Variants in ABI3BP observed in about 807,000 individuals in gnomAD.
The protein encoded by ABI3BP is ABI family member 3 binding protein.
In ABI3BP, 216 loss-of-function variants were observed where a neutral mutation model predicts 268.6. The ratio of observed to expected loss-of-function variants is 0.80; its 90% CI spans 0.72 to 0.90. The LOEUF (loss-of-function observed/expected upper bound fraction) is 0.90, where lower values mean the gene tolerates loss of function less well. ABI3BP is among the 40% of genes least tolerant of loss of function. The pLI, the probability that ABI3BP is intolerant of heterozygous loss-of-function variation, is 0.00. For synonymous variants in ABI3BP, 730 were observed against 730.0 expected, an observed-to-expected ratio of 1.00 and a Z score of 0.00; for missense variants, 2,090 against 2,182.4, an observed-to-expected ratio of 0.96 and a Z score of 0.84.
At position 100,902,645 on chromosome 3, in the gene ABI3BP, G is replaced by T. The variant is rs555694639; in HGVS notation, c.301C>A (p.Pro101Thr). 1.3e-5 allele frequency: 21 copies of T among 1,613,792 alleles called. No individual in the cohort carries two copies. The highest frequency in any genetic ancestry group is 1.7e-5 in the Admixed American group (1 of 60,000). ...GAACATGACTTCTTTTGACTTGGAG[G>T]TGGAGCAGGTCGCACAACTATCAGA... ...KYLIVVRPAP[P>T]PSQKKSCSGK... The change falls in exon 3 of 68, where the codon CCT (proline) becomes ACT (threonine). Residue 101 changes from proline (P) to threonine (T), a missense_variant. Transcript: ENST00000471714.
intron 26 of ABI3BP, among the ~76,000 whole-genome samples, chr3:100,837,705 C>T (rs750055836): frequency 2.6e-5 from 4 of 152,132 alleles, no homozygotes; most frequent in East Asian, 3.9e-4. Flanking sequence ...TTCAGTGAGC[C>T]GGTTGCACCA....
At chr3:100,760,291 T>TA (rs1228293606) in intron 63 of ABI3BP, among the ~76,000 whole-genome samples, 1 of 152,208 alleles carries the variant, frequency 6.6e-6, no homozygotes, top group East Asian at 1.9e-4. Flanking sequence ...ATGAATTCTT[T>TA]AATTTTTCAG....
chr3:100,832,137 C>T (rs927282328), intron 31 of ABI3BP, 127 bp downstream of exon 31: 1 of 828,232 alleles, frequency 1.2e-6, no homozygotes, highest in Non-Finnish European at 1.8e-6. Context: ...GTTCTCCTCA[C>T]TAACCAGTAG....
rs60650748 is a variant in ABI3BP at position 100,937,061 on chromosome 3, G to A, written c.80-10580C>T. 7.1e-3 allele frequency among the ~76,000 whole-genome samples: 1,080 copies of A among 152,094 alleles called. 10 individuals are homozygous for A. Among genetic ancestry groups the A allele is most frequent in the African/African-American group, 0.025 (1,035 of 41,498 alleles). ...CAATAGAGCAATATTTATAAAAATA[G>A]GCAGTGGGCTGGATTTGGCCTGCAG... On this transcript the variant is annotated intron_variant, in intron 1 of 67. Coordinates refer to ENST00000471714, the MANE Select transcript of ABI3BP (RefSeq NM_001375547.2).
At chr3:100,771,840 T>A (rs1235181409) in intron 61 of ABI3BP, among the ~76,000 whole-genome samples, 1 of 152,046 alleles carries the variant, frequency 6.6e-6, no homozygotes, top group Admixed American at 6.5e-5. Flanking sequence ...AAAAAAATAT[T>A]TTAAGAAATA....
intron 15 of ABI3BP, 109 bp downstream of exon 15, chr3:100,851,766 A>T: frequency 1.1e-6 from 1 of 891,832 alleles, no homozygotes. Flanking sequence ...AATTTCTCCC[A>T]TGCAGAGCTC....
At chr3:100,794,859 G>C in intron 54 of ABI3BP, 64 bp downstream of exon 54, 1 of 1,193,464 alleles carries the variant, frequency 8.4e-7, no homozygotes, top group Non-Finnish European at 1.2e-6. Flanking sequence ...ATGTATTATG[G>C]TTACTTTAAG....
chr3:100,962,003 G>C (rs1271612197), intron 1 of ABI3BP, among the ~76,000 whole-genome samples: 1 of 152,116 alleles, frequency 6.6e-6, no homozygotes, highest in Non-Finnish European at 1.5e-5. Flanking sequence ...ATGGCACCTG[G>C]CTCCAAGTGG....
chr3:100,848,850 A>T lies in ABI3BP; in HGVS notation c.1527T>A (p.Pro509=), dbSNP rs2098806514. Residue 509 remains proline, a synonymous_variant, in exon 18 of 68, where the codon CCT becomes CCA. Transcript: ENST00000471714. The part of the protein sequence containing the change: ...TPAPQQTTSI[P]STPKRRPRPK... The stretch of plus-strand genomic sequence containing the variant: ...GCCGGGGGCGTCGTTTAGGTGTAGA[A>T]GGGATAGATGTAGTTTGCTGGGGAG... 10 of 1,613,286 alleles carry T rather than the reference A, an allele frequency of 6.2e-6. No individual in the cohort carries two copies. The highest frequency in any genetic ancestry group is 7.6e-6 in the Non-Finnish European group (9 of 1,179,360).
intron 12 of ABI3BP, 166 bp downstream of exon 12, chr3:100,863,836 C>A: frequency 7.2e-6 from 4 of 553,052 alleles, no homozygotes; most frequent in South Asian, 5.5e-5. Context: ...ACAACCCAAC[C>A]AAACAATTTG....
intron 62 of ABI3BP, among the ~76,000 whole-genome samples, chr3:100,768,324 G>A (rs927113378): frequency 1.2e-4 from 19 of 152,078 alleles, no homozygotes; most frequent in Admixed American, 7.9e-4. Flanking sequence ...TCCTGACCTC[G>A]TAATCCGCCC....
chr3:100,784,539 G>A (rs946935567), intron 57 of ABI3BP, among the ~76,000 whole-genome samples: 2 of 152,148 alleles, frequency 1.3e-5, no homozygotes, highest in African/African-American at 4.8e-5. Context: ...TATCTACTTA[G>A]AGGAAAATAA....
At chr3:100,762,159 CTCTT>C (rs1481412824) in intron 63 of ABI3BP, among the ~76,000 whole-genome samples, 2 of 152,028 alleles carry the variant, frequency 1.3e-5, no homozygotes, top group African/African-American at 4.8e-5. Flanking sequence ...TACATACTTC[CTCTT>C]TATTTTATGG....
Position 100,976,180 on chromosome 3 carries a change from C to T in ABI3BP, c.79+17126G>A, listed in dbSNP as rs907407030. On this transcript the variant is annotated intron_variant, in intron 1 of 67. Transcript: ENST00000471714. The stretch of plus-strand genomic sequence containing the variant: ...AAATGTCTTTAATGTTGTGAGAGAG[C>T]CCTCATTTATAAATATGCTGCCTGC... Among the ~76,000 whole-genome samples the T allele has an allele frequency of 2.0e-5, 3 of 152,160 alleles. No homozygotes were observed. In the South Asian group the frequency reaches 6.2e-4, roughly 32 times the overall value.
intron 2 of ABI3BP, chr3:100,914,295 C>T (rs1016515273): frequency 7.4e-6 from 2 of 268,988 alleles, no homozygotes; most frequent in Admixed American, 4.0e-5. Flanking sequence ...ATAATGAACC[C>T]ACACCCAGTT....
intron 33 of ABI3BP, among the ~76,000 whole-genome samples, chr3:100,829,225 C>T (rs1234805314): frequency 6.6e-6 from 1 of 151,996 alleles, no homozygotes; most frequent in Admixed American, 6.6e-5. Flanking sequence ...CTATCTGGCT[C>T]TGTCTAGAAA....
At chr3:100,908,812 T>C (rs2054814687) in intron 2 of ABI3BP, among the ~76,000 whole-genome samples, 2 of 152,144 alleles carry the variant, frequency 1.3e-5, no homozygotes, top group African/African-American at 2.4e-5. Flanking sequence ...GAATCAATAT[T>C]GTGAAAATGG....
In ABI3BP at chr3:100,756,776, G is replaced by GTTT. The variant is rs66981610; in HGVS notation, c.4851-2088_4851-2086dup. On this transcript the variant is annotated intron_variant, in intron 63 of 67. Coordinates refer to ENST00000471714, the MANE Select transcript of ABI3BP (RefSeq NM_001375547.2). ...GCCACATATACAAGCTACTTTTTGG[G>GTTT]TTTTTTTTTTTTTTTTTGGCCAATA... Among the ~76,000 whole-genome samples, 108 of 130,652 alleles carry GTTT rather than the reference G, an allele frequency of 8.3e-4. 2 individuals carry two copies. The highest frequency in any genetic ancestry group is 1.2e-3 in the Non-Finnish European group (75 of 63,072). 85.7% of individuals were successfully genotyped at this position (130,652 alleles called of 152,430 possible). A position where few individuals can be genotyped will look rare whatever the true frequency, so the allele number is the denominator to read the frequency against.
intron 4 of ABI3BP, among the ~76,000 whole-genome samples, chr3:100,889,460 G>A (rs996948370): frequency 6.6e-6 from 1 of 152,116 alleles, no homozygotes; most frequent in African/African-American, 2.4e-5. Context: ...CATTATTGAA[G>A]GCTTTTTAGT....
Sources: gnomAD v4.1 joint callset for allele counts (sites outside exome capture counted in the v4.1 genomes callset) on GRCh38, gnomAD v4.1.1 for gene constraint, MANE v1.5 for transcripts, NCBI Gene and HGNC (gene_info 2026-07-23, HGNC 2026-07-21) for gene names.